Variants in ZFP64 observed in about 807,000 individuals in gnomAD.
ZFP64 encodes ZFP64 zinc finger protein, also known as zinc finger protein 64.
A neutral mutation model predicts 51.6 loss-of-function variants in ZFP64; 14 were observed. That is an observed-to-expected ratio of 0.27 (90% CI 0.18 to 0.42). The LOEUF is 0.42. Ranked by LOEUF, ZFP64 falls within the 10% of genes least tolerant of loss-of-function variation. The probability of loss-of-function intolerance (pLI) is 1.00; values close to 1 mark genes in which losing one functional copy is unlikely to be tolerated. For synonymous variants in ZFP64, 375 were observed against 361.4 expected (o/e 1.04, Z -0.43); for missense variants, 754 against 906.8 (o/e 0.83, Z 2.16).
intron 5 of ZFP64, among the ~76,000 whole-genome samples, chr20:52,135,294 C>T (rs1161095082): frequency 2.6e-5 from 4 of 152,140 alleles, no homozygotes; most frequent in Non-Finnish European, 4.4e-5. Context: ...CGCCCACTGC[C>T]CTGAATATTG....
At chr20:52,087,227 G>A (rs2122694964) in intron 8 of ZFP64, among the ~76,000 whole-genome samples, 1 of 152,274 alleles carries the variant, frequency 6.6e-6, no homozygotes, top group Middle Eastern at 3.4e-3. Flanking sequence ...CCTTAGAATT[G>A]TGGACTTCAT....
chr20:52,180,928 T>A (rs972005477), intron 2 of ZFP64, among the ~76,000 whole-genome samples: 7 of 152,154 alleles, frequency 4.6e-5, no homozygotes, highest in African/African-American at 1.4e-4. Flanking sequence ...TTTATTTTTT[T>A]ATTTTTATTT....
chr20:52,138,711 G>T (rs372010145), intron 5 of ZFP64, among the ~76,000 whole-genome samples: 1 of 151,754 alleles, frequency 6.6e-6, no homozygotes, highest in African/African-American at 2.4e-5. Flanking sequence ...TGCAATCCTC[G>T]AGAGAGATTT....
chr20:52,191,500 C>T lies in ZFP64; in HGVS notation c.46+91G>A. The T allele has an allele frequency of 7.2e-7, 1 of 1,394,266 alleles. No individual in the cohort carries two copies. The highest frequency in any genetic ancestry group is 9.3e-7 in the Non-Finnish European group (1 of 1,071,618). The allele number at this position is 1,394,266 out of a possible 1,614,324, so 86.4% of individuals were successfully genotyped here. A position where few individuals can be genotyped will look rare whatever the true frequency, so the allele number is the denominator to read the frequency against. ...GTCACCCCGATTTCGGGGCCCCGGG[C>T]CTGCTGGCTGCGTCGCAGACGTGCT... is the stretch of plus-strand genomic sequence containing the variant. On this transcript the variant is annotated intron_variant, in intron 1 of 5. Transcript: ENST00000216923. This position sits in a 1 kb window ranked among gnomAD's most constrained non-coding sequence, Gnocchi z 4.3.
At chr20:52,122,273 G>A (rs972696455) in intron 5 of ZFP64, among the ~76,000 whole-genome samples, 19 of 152,046 alleles carry the variant, frequency 1.2e-4, no homozygotes, top group African/African-American at 4.3e-4. Flanking sequence ...TTGGGAGGCC[G>A]AGGCGGGTGG....
At chr20:52,128,294 C>A (rs1979543039) in intron 5 of ZFP64, among the ~76,000 whole-genome samples, 1 of 152,174 alleles carries the variant, frequency 6.6e-6, no homozygotes, top group South Asian at 2.1e-4. Flanking sequence ...AATAATACCC[C>A]TGTTCCCATC....
intron 5 of ZFP64, among the ~76,000 whole-genome samples, chr20:52,156,464 G>A (rs1339196273): frequency 6.6e-6 from 1 of 152,210 alleles, no homozygotes; most frequent in Non-Finnish European, 1.5e-5. Context: ...CAAGAGACAT[G>A]TGGAGCAGAG....
chr20:52,157,329 G>GATACATAGGA (rs1981399259), intron 5 of ZFP64, among the ~76,000 whole-genome samples: 1 of 152,184 alleles, frequency 6.6e-6, no homozygotes, highest in African/African-American at 2.4e-5. Flanking sequence ...TTGGCATATG[G>GATACATAGGA]ATACATAGGA....
At chr20:52,087,743 C>T (rs929735707) in intron 8 of ZFP64, among the ~76,000 whole-genome samples, 3 of 152,186 alleles carry the variant, frequency 2.0e-5, no homozygotes, top group African/African-American at 7.2e-5. Flanking sequence ...TGTTCCAAGC[C>T]CAGAGCCCTC....
At chr20:52,154,976 T>C (rs1981185399) in intron 5 of ZFP64, among the ~76,000 whole-genome samples, 1 of 152,214 alleles carries the variant, frequency 6.6e-6, no homozygotes, top group Non-Finnish European at 1.5e-5. Context: ...ATTACCCCTT[T>C]TTGGCAGTTT....
chr20:52,091,775 C>T (rs2078929673), intron 7 of ZFP64, among the ~76,000 whole-genome samples: 1 of 149,750 alleles, frequency 6.7e-6, no homozygotes, highest in African/African-American at 2.4e-5. Flanking sequence ...ATCACCTGAG[C>T]TTGGGAGTTC....
At chr20:52,124,936 A>G (rs1462213539) in intron 5 of ZFP64, among the ~76,000 whole-genome samples, 1 of 152,098 alleles carries the variant, frequency 6.6e-6, no homozygotes, top group African/African-American at 2.4e-5. Context: ...TCTCACCACT[A>G]TGATGAAATC....
At chr20:52,089,512 G>T (rs2078899327) in intron 7 of ZFP64, among the ~76,000 whole-genome samples, 1 of 152,086 alleles carries the variant, frequency 6.6e-6, no homozygotes, top group Admixed American at 6.5e-5. Flanking sequence ...GGGCTGAGGT[G>T]GGTGGATCGC....
chr20:52,085,694 C>T lies in ZFP64; in HGVS notation c.1229-428G>A, dbSNP rs1324871992. On this transcript the variant is annotated intron_variant, in intron 8 of 8. Transcript: ENST00000361387. This position sits in a 1 kb window ranked among gnomAD's most constrained non-coding sequence, Gnocchi z 4.3. Reference sequence around the variant, plus strand: ...CAAATCAAGCTAAGACCTGTGAAGACGCTTACTATAGTGTTTAATCTATAT... The same window carrying T: ...CAAATCAAGCTAAGACCTGTGAAGATGCTTACTATAGTGTTTAATCTATAT... Among the ~76,000 whole-genome samples the T allele has an allele frequency of 2.6e-5, 4 of 152,142 alleles. No homozygotes were observed. Among genetic ancestry groups the T allele is most frequent in the African/African-American group, 4.8e-5 (2 of 41,426 alleles).
At position 52,142,764 on chromosome 20, in the gene ZFP64, C is replaced by T. The variant is rs1980337975; in HGVS notation, c.763+17359G>A. Among the ~76,000 whole-genome samples, 2 of 125,184 alleles carry T rather than the reference C, an allele frequency of 1.6e-5. 1 individual carries two copies. Among genetic ancestry groups the T allele is most frequent in the Non-Finnish European group, 3.4e-5 (2 of 59,632 alleles). The allele number at this position is 125,184 out of a possible 152,430, so 82.1% of individuals were successfully genotyped here. ...CTGAGGCAGGAGAATTGCTTGAACC[C>T]AGGAGGCGGAGGTTGTAGTGAGTTG... On this transcript the variant is annotated intron_variant, in intron 5 of 8. Coordinates refer to the ZFP64 transcript ENST00000361387.
chr20:52,085,007 C>T lies in ZFP64; in HGVS notation c.1488G>A (p.Lys496=), dbSNP rs774876290. The change falls in exon 9 of 9, where the codon AAG becomes AAA. Residue 496 remains lysine (K), a synonymous_variant. Transcript: ENST00000361387. This position sits in a 1 kb window ranked among gnomAD's most constrained non-coding sequence, Gnocchi z 4.3. ...AGCAGGAGTAGCTGCACTCTGGACA[C>T]TTCTCCGGGTGGTCGGCCTGGTGCA... 6 of 1,614,130 alleles carry T rather than the reference C, an allele frequency of 3.7e-6. No homozygotes were observed. The highest frequency in any genetic ancestry group is 5.1e-6 in the Non-Finnish European group (6 of 1,180,036).
intron 5 of ZFP64, among the ~76,000 whole-genome samples, chr20:52,156,905 T>G (rs935594842): frequency 3.3e-5 from 5 of 152,172 alleles, no homozygotes; most frequent in African/African-American, 1.2e-4. Context: ...TTTTATAAGC[T>G]GCATATGATA....
chr20:52,120,105 C>T (rs912057890), intron 5 of ZFP64, among the ~76,000 whole-genome samples: 1 of 152,132 alleles, frequency 6.6e-6, no homozygotes, highest in Non-Finnish European at 1.5e-5. Flanking sequence ...GAGCTGCCTT[C>T]CCCTTCCACC....
intron 7 of ZFP64, among the ~76,000 whole-genome samples, chr20:52,095,427 A>T (rs1351123269): frequency 6.8e-6 from 1 of 146,786 alleles, no homozygotes; most frequent in Non-Finnish European, 1.5e-5. Flanking sequence ...GATCACTCAC[A>T]CCTGGAACAT....
Sources: gnomAD v4.1 joint callset for allele counts (sites outside exome capture counted in the v4.1 genomes callset) on GRCh38, gnomAD v4.1.1 for gene constraint, Gnocchi (gnomAD v3.1) non-coding constraint, MANE v1.5 for transcripts, NCBI Gene and HGNC (gene_info 2026-07-23, HGNC 2026-07-21) for gene names.